The following SLCO1B1 variants were observed in gnomAD, a reference collection of about 807,000 sequenced individuals.
SLCO1B1 encodes solute carrier organic anion transporter family member 1B1.
Under a neutral mutation model 70.1 loss-of-function variants are expected in SLCO1B1, and 81 were observed. That is an observed-to-expected ratio of 1.16 (90% CI 0.97 to 1.39). SLCO1B1 has a LOEUF of 1.39. Ranked by LOEUF, SLCO1B1 falls within the 40% of genes most tolerant of loss-of-function variation. The pLI is 0.00. For synonymous variants in SLCO1B1, 283 were observed against 271.5 expected, an observed-to-expected ratio of 1.04 and a Z score of -0.42; for missense variants, 895 against 799.6, an observed-to-expected ratio of 1.12 and a Z score of -1.44.
At chr12:21,154,391 C>T (rs1316865357) in intron 2 of SLCO1B1, among the ~76,000 whole-genome samples, 4 of 152,050 alleles carry the variant, frequency 2.6e-5, no homozygotes, top group African/African-American at 9.7e-5. Context: ...ATGGTTCTCA[C>T]CAAATACCAA....
chr12:21,195,199 G>A (rs181823004), intron 7 of SLCO1B1, among the ~76,000 whole-genome samples: 1 of 152,194 alleles, frequency 6.6e-6, no homozygotes. Flanking sequence ...AACCCCAGCA[G>A]AGCGTCTGTG....
intron 7 of SLCO1B1, among the ~76,000 whole-genome samples, chr12:21,196,609 G>C (rs2121139023): frequency 6.6e-6 from 1 of 152,172 alleles, no homozygotes; most frequent in East Asian, 1.9e-4. Flanking sequence ...AGACAACAAT[G>C]AGACGTCATA....
Position 21,176,871 on chromosome 12 carries a change from G to C in SLCO1B1, c.455G>C (p.Arg152Thr), listed in dbSNP as rs145144129. ...CLINQILSLN[R>T]ASPEIVGKGC... is the part of the protein sequence containing the mutation. The stretch of plus-strand genomic sequence containing the variant: ...ATTAATCAAATTTTATCACTCAATA[G>C]AGCATCACCTGAGATAGTGGGAAAA... The change falls in exon 5 of 15, where the codon AGA becomes ACA. Residue 152 changes from arginine (R) to threonine (T), a missense_variant. Arg to Thr is a moderately conservative substitution (Grantham distance 71). Coordinates refer to ENST00000256958, the MANE Select transcript of SLCO1B1 (RefSeq NM_006446.5). 1.7e-5 allele frequency: 26 copies of C among 1,562,116 alleles called. No individual in the cohort carries two copies. The African/African-American group carries it at 3.2e-4, about 19-fold the overall frequency.
At chr12:21,174,494 C>G in intron 3 of SLCO1B1, 83 bp from the exon 4 acceptor site, 1 of 1,359,766 alleles carries the variant, frequency 7.4e-7, no homozygotes, top group South Asian at 1.2e-5. Flanking sequence ...GTCTTGGACT[C>G]TATTTGCATC....
At chr12:21,234,997 A>AG (rs201304263) in intron 14 of SLCO1B1, among the ~76,000 whole-genome samples, 3,865 of 152,180 alleles carry the variant, frequency 0.025, 75 homozygotes, top group Middle Eastern at 0.044. Context: ...GAACAGATAA[A>AG]AAATGCATTT....
In SLCO1B1 at chr12:21,162,032, G is replaced by T. The variant is rs971358437; in HGVS notation, c.85-10618G>T. Among the ~76,000 whole-genome samples the T allele has an allele frequency of 4.0e-5, 6 of 151,326 alleles. No homozygotes were observed. In the East Asian group the frequency reaches 1.2e-3, roughly 29 times the overall value. ...CAAAAAATACATATAAAATAAAAAA[G>T]ATTTTAAATAATATTATAAATAAAC... On this transcript the variant is annotated intron_variant, in intron 2 of 14. Coordinates refer to ENST00000256958, the MANE Select transcript of SLCO1B1 (RefSeq NM_006446.5).
rs764497282 is a variant in SLCO1B1 at position 21,174,722 on chromosome 12, A to G, written c.359+13A>G. ...TCTTCATGGGATAGTAAGTGTTAAA[A>G]AAAAAAAAAACCTCTGTGCCACTAT... On this transcript the variant is annotated intron_variant, in intron 4 of 14. Transcript: ENST00000256958. 6.2e-7 allele frequency: 1 copy of G among 1,607,382 alleles called. No homozygotes were observed. The highest frequency in any genetic ancestry group is 8.5e-7 in the Non-Finnish European group (1 of 1,177,730).
Position 21,176,851 on chromosome 12 carries a change from T to C in SLCO1B1, c.435T>C (p.Asn145=). The change falls in exon 5 of 15, where the codon AAT becomes AAC. Residue 145 remains asparagine (N), a synonymous_variant. Transcript: ENST00000256958. ...CGACCTTATCCACTTGTTTAATTAA[T>C]CAAATTTTATCACTCAATAGAGCAT... is the stretch of plus-strand genomic sequence containing the variant. The part of the protein sequence containing the change: ...STSTLSTCLI[N]QILSLNRASP... 1 of 1,554,676 alleles carries C rather than the reference T, an allele frequency of 6.4e-7. No homozygotes were observed.
At chr12:21,167,996 TA>T (rs1940709681) in intron 2 of SLCO1B1, among the ~76,000 whole-genome samples, 1 of 147,408 alleles carries the variant, frequency 6.8e-6, no homozygotes, top group South Asian at 2.1e-4. Flanking sequence ...TTTTTTTTTG[TA>T]TTTTTAGTAG....
intron 2 of SLCO1B1, among the ~76,000 whole-genome samples, chr12:21,161,226 A>G (rs1230636621): frequency 6.6e-6 from 1 of 152,162 alleles, no homozygotes; most frequent in Admixed American, 6.5e-5. Flanking sequence ...GTTCATTGCA[A>G]CATTATTCAC....
At chr12:21,235,381 T>A (rs935880377) in intron 14 of SLCO1B1, among the ~76,000 whole-genome samples, 1 of 151,208 alleles carries the variant, frequency 6.6e-6, no homozygotes, top group Non-Finnish European at 1.5e-5. Context: ...TTATTTTTGC[T>A]TTCCATTTGA....
intron 2 of SLCO1B1, among the ~76,000 whole-genome samples, chr12:21,153,139 A>G (rs972592047): frequency 6.6e-6 from 1 of 152,014 alleles, no homozygotes; most frequent in African/African-American, 2.4e-5. Flanking sequence ...ATTGGTCCTC[A>G]CCTCTTTTAC....
At chr12:21,145,820 A>G (rs74068918) in intron 2 of SLCO1B1, among the ~76,000 whole-genome samples, 10,368 of 152,136 alleles carry the variant, frequency 0.068, 1,086 homozygotes, top group African/African-American at 0.23. Context: ...TGTGAAATCC[A>G]TTGCTGAATG....
intron 7 of SLCO1B1, among the ~76,000 whole-genome samples, chr12:21,185,036 A>C (rs1565676079): frequency 6.6e-6 from 1 of 152,122 alleles, no homozygotes; most frequent in Admixed American, 6.6e-5. Flanking sequence ...ATAAGGATAA[A>C]GTGTTCCATT....
chr12:21,182,458 A>C (rs1564367), intron 7 of SLCO1B1, among the ~76,000 whole-genome samples: 18,574 of 152,134 alleles, frequency 0.12, 1,520 homozygotes, highest in Non-Finnish European at 0.18. Context: ...CTCTCAACTC[A>C]CCTGACTTCT....
chr12:21,190,929 TATA>T (rs2121129339), intron 7 of SLCO1B1, among the ~76,000 whole-genome samples: 1 of 152,224 alleles, frequency 6.6e-6, no homozygotes, highest in South Asian at 2.1e-4. Flanking sequence ...ATAAATGATT[TATA>T]ATATTTTATT....
chr12:21,195,822 C>T (rs1196512976), intron 7 of SLCO1B1, among the ~76,000 whole-genome samples: 2 of 152,106 alleles, frequency 1.3e-5, no homozygotes, highest in African/African-American at 4.8e-5. Context: ...TGAGTCCTGT[C>T]AACACTTCAA....
intron 11 of SLCO1B1, among the ~76,000 whole-genome samples, chr12:21,206,691 T>G (rs544328739): frequency 6.6e-6 from 1 of 151,934 alleles, no homozygotes; most frequent in Non-Finnish European, 1.5e-5. Flanking sequence ...TCTTTCCATG[T>G]GAACTACAGT....
At chr12:21,201,250 A>G (rs1448728981) in intron 9 of SLCO1B1, among the ~76,000 whole-genome samples, 1 of 152,156 alleles carries the variant, frequency 6.6e-6, no homozygotes, top group East Asian at 1.9e-4. Flanking sequence ...GAAATTCAAT[A>G]TAAATATATG....
Sources: allele counts gnomAD v4.1 joint callset (sites outside exome capture counted in the v4.1 genomes callset), GRCh38; gene constraint gnomAD v4.1.1; transcripts MANE v1.5; gene names NCBI Gene and HGNC (gene_info 2026-07-23, HGNC 2026-07-21).